The following SNX8 variants were observed in gnomAD, a reference collection of about 807,000 sequenced individuals.
SNX8 encodes sorting nexin 8.
SNX8 carries 25 observed loss-of-function variants against 51.6 expected under a neutral mutation model. The ratio of observed to expected loss-of-function variants is 0.48; its 90% CI spans 0.35 to 0.68. The LOEUF (loss-of-function observed/expected upper bound fraction) is 0.68, where lower values mean the gene tolerates loss of function less well. Ranked by LOEUF, SNX8 falls within the 30% of genes least tolerant of loss-of-function variation. The pLI, the probability that SNX8 is intolerant of heterozygous loss-of-function variation, is 0.00. For missense variants in SNX8, 695 were observed against 624.0 expected, an observed-to-expected ratio of 1.11 and a Z score of -1.21; for synonymous variants, 324 against 277.0, an observed-to-expected ratio of 1.17 and a Z score of -1.68.
intron 1 of SNX8, among the ~76,000 whole-genome samples, chr7:2,330,138 CTTTTTTTT>C (rs71023396): frequency 2.0e-4 from 21 of 107,058 alleles, no homozygotes; most frequent in South Asian, 3.4e-4. Flanking sequence ...GCCCTTTTTT[CTTTTTTTT>C]TTTTTTTTTG....
At chr7:2,346,265 G>C (rs1403953172) in intron 1 of SNX8, among the ~76,000 whole-genome samples, 2 of 48,320 alleles carry the variant, frequency 4.1e-5, no homozygotes, top group African/African-American at 1.8e-4. Flanking sequence ...CACATAGTGA[G>C]ACCCTGGTCT....
intron 1 of SNX8, among the ~76,000 whole-genome samples, chr7:2,336,935 G>C (rs964357338): frequency 6.6e-6 from 1 of 151,760 alleles, no homozygotes; most frequent in African/African-American, 2.4e-5. Flanking sequence ...CTTGAACCCA[G>C]CAGGCGGAGG....
chr7:2,254,992 G>T lies in SNX8; in HGVS notation c.*64C>A. On this transcript the variant is annotated 3_prime_UTR_variant, in exon 11 of 11. Transcript: ENST00000222990. ...GCTGCCGTCCAAAGGGAATTACACCGGGACACACCGTTTGGAAAGAGGTTT... is the reference window on the plus strand; with the variant it reads ...GCTGCCGTCCAAAGGGAATTACACCTGGACACACCGTTTGGAAAGAGGTTT... 9.1e-7 allele frequency: 1 copy of T among 1,098,638 alleles called. No individual in the cohort carries two copies. Among genetic ancestry groups the T allele is most frequent in the Non-Finnish European group, 1.4e-6 (1 of 738,630 alleles). The allele number at this position is 1,098,638 out of a possible 1,614,324, so 68.1% of individuals were successfully genotyped here.
At chr7:2,264,136 A>T (rs1446625616) in intron 6 of SNX8, among the ~76,000 whole-genome samples, 162 bp downstream of exon 6, 1 of 152,028 alleles carries the variant, frequency 6.6e-6, no homozygotes, top group African/African-American at 2.4e-5. Flanking sequence ...GTTTCTTCCA[A>T]ATATGACCCC....
intron 10 of SNX8, among the ~76,000 whole-genome samples, chr7:2,256,629 C>G (rs1795185182): frequency 6.6e-6 from 1 of 152,244 alleles, no homozygotes; most frequent in South Asian, 2.1e-4. Flanking sequence ...AGGAGGCAAA[C>G]TCTCCCTGTC....
intron 7 of SNX8, among the ~76,000 whole-genome samples, chr7:2,259,064 G>A (rs973718034): frequency 3.3e-5 from 5 of 152,216 alleles, no homozygotes; most frequent in Admixed American, 2.6e-4. Context: ...AACACACGGT[G>A]CTCAGAGGCA....
intron 1 of SNX8, among the ~76,000 whole-genome samples, chr7:2,311,421 C>A (rs2115208808): frequency 6.6e-6 from 1 of 152,292 alleles, no homozygotes; most frequent in African/African-American, 2.4e-5. Context: ...CAGGATTTCG[C>A]TACGTTGTCC....
chr7:2,264,901 G>A (rs1379790109), intron 5 of SNX8, among the ~76,000 whole-genome samples: 1 of 151,928 alleles, frequency 6.6e-6, no homozygotes, highest in East Asian at 1.9e-4. Context: ...TGGGCATGGC[G>A]GCATGCACCT....
chr7:2,257,254 T>C, intron 9 of SNX8, 111 bp downstream of exon 9: 2 of 1,348,264 alleles, frequency 1.5e-6, no homozygotes, highest in Non-Finnish European at 2.0e-6. Flanking sequence ...CCCAGCTCTG[T>C]TCCAGACACA....
chr7:2,348,604 G>A, intron 1 of SNX8, among the ~76,000 whole-genome samples: 1 of 151,640 alleles, frequency 6.6e-6, no homozygotes, highest in East Asian at 2.0e-4. Context: ...GCCTCCCAAA[G>A]TGCTGGGATT....
intron 1 of SNX8, among the ~76,000 whole-genome samples, chr7:2,343,895 C>T (rs1352977038): frequency 1.3e-5 from 2 of 149,920 alleles, no homozygotes; most frequent in Non-Finnish European, 2.9e-5. Flanking sequence ...GGTGCAGGCA[C>T]AGTGGTGCAG....
At chr7:2,313,911 G>T (rs868735402) in intron 1 of SNX8, among the ~76,000 whole-genome samples, 1 of 152,254 alleles carries the variant, frequency 6.6e-6, no homozygotes, top group Non-Finnish European at 1.5e-5. Flanking sequence ...ATGTGGCTAG[G>T]AAAGGCGCCC....
intron 1 of SNX8, among the ~76,000 whole-genome samples, chr7:2,280,942 A>G (rs374930360): frequency 1.1e-4 from 17 of 152,106 alleles, no homozygotes; most frequent in African/African-American, 4.1e-4. Flanking sequence ...ACAGGCGTGC[A>G]CCAATATGCC....
intron 1 of SNX8, among the ~76,000 whole-genome samples, chr7:2,285,344 G>C (rs376975369): frequency 8.7e-4 from 132 of 152,258 alleles, no homozygotes; most frequent in African/African-American, 3.0e-3. Flanking sequence ...AGCCAAGTTC[G>C]CGCCACTGCA....
At chr7:2,327,072 C>A (rs765045629) in intron 1 of SNX8, among the ~76,000 whole-genome samples, 1 of 152,110 alleles carries the variant, frequency 6.6e-6, no homozygotes, top group Admixed American at 6.6e-5. Context: ...GCCACGCTGT[C>A]TCTGAAACTC....
At chr7:2,317,079 C>G (rs75065904), upstream of SNX8, among the ~76,000 whole-genome samples, 1,944 of 151,652 alleles carry the variant, frequency 0.013, 37 homozygotes, top group African/African-American at 0.044. Flanking sequence ...ATGGGTGGTA[C>G]CAGAGTTAGG....
chr7:2,313,625 G>A (rs921267122), intron 1 of SNX8, among the ~76,000 whole-genome samples: 1 of 152,110 alleles, frequency 6.6e-6, no homozygotes, highest in Non-Finnish European at 1.5e-5. Flanking sequence ...CACTTTGGGA[G>A]GCCAAGGCAG....
chr7:2,304,028 G>A (rs34616693), intron 1 of SNX8, among the ~76,000 whole-genome samples: 7 of 151,142 alleles, frequency 4.6e-5, no homozygotes, highest in Non-Finnish European at 8.8e-5. Context: ...TTAGCCAGGC[G>A]TGGTGGCGGG....
At chr7:2,255,574 C>G (rs1209284679) in intron 10 of SNX8, among the ~76,000 whole-genome samples, 1 of 152,210 alleles carries the variant, frequency 6.6e-6, no homozygotes, top group Non-Finnish European at 1.5e-5. Flanking sequence ...CCTGTCTCCA[C>G]AGAAAATCAG....
Sources: allele counts gnomAD v4.1 joint callset (sites outside exome capture counted in the v4.1 genomes callset), GRCh38; gene constraint gnomAD v4.1.1; transcripts MANE v1.5; gene names NCBI Gene and HGNC (gene_info 2026-07-23, HGNC 2026-07-21).